The following SSX2IP variants were observed in gnomAD, a reference collection of about 807,000 sequenced individuals.
The protein encoded by SSX2IP is afadin- and alpha-actinin-binding protein.
In SSX2IP, 55 loss-of-function variants were observed where a neutral mutation model predicts 84.9. That is an observed-to-expected ratio of 0.65 (90% confidence interval 0.52 to 0.81). The LOEUF (loss-of-function observed/expected upper bound fraction) is 0.81. Ranked by LOEUF, SSX2IP falls within the 30% of genes least tolerant of loss-of-function variation. The pLI, the probability that SSX2IP is intolerant of heterozygous loss-of-function variation, is 0.00. For missense variants in SSX2IP, 664 were observed against 705.2 expected, an observed-to-expected ratio of 0.94 and a Z score of 0.66; for synonymous variants, 239 against 234.7, an observed-to-expected ratio of 1.02 and a Z score of -0.17.
Position 84,647,477 on chromosome 1 carries a change from A to C in SSX2IP, c.1801T>G (p.Leu601Val). The C allele has an allele frequency of 6.2e-7, 1 of 1,612,024 alleles. No individual in the cohort carries two copies. Residue 601 changes from leucine to valine, a missense_variant, in exon 14 of 14, where the codon TTG becomes GTG. By Grantham distance (32) the Leu-to-Val change is conservative. Coordinates refer to ENST00000342203, the MANE Select transcript of SSX2IP (RefSeq NM_001166293.2). The part of the protein sequence containing the change: ...SQEGCYSGCS[L>V]SYTNSHVEKD... ...TCTACATGAGAATTTGTGTAGCTCA[A>C]GGAGCATCCACTATAGCAACCTTCC...
intron 1 of SSX2IP, among the ~76,000 whole-genome samples, chr1:84,685,598 G>A (rs1655673724): frequency 6.6e-6 from 1 of 152,192 alleles, no homozygotes; most frequent in Non-Finnish European, 1.5e-5. Flanking sequence ...ATAAAATCCA[G>A]CTATTTAACC....
chr1:84,655,686 C>T (rs1650976244), intron 11 of SSX2IP, 146 bp downstream of exon 11: 1 of 1,429,074 alleles, frequency 7.0e-7, no homozygotes, highest in African/African-American at 1.4e-5. Context: ...GCTCAGCCTC[C>T]CTCTCATTTC....
At chr1:84,656,053 TCC>T in intron 10 of SSX2IP, 48 bp from the exon 11 acceptor site, 1 of 1,509,564 alleles carries the variant, frequency 6.6e-7, no homozygotes, top group South Asian at 1.2e-5. Flanking sequence ...CTTGCGACAC[TCC>T]AACGAGTTGA....
chr1:84,647,352 C>T lies in SSX2IP; in HGVS notation c.*81G>A. 3.1e-6 allele frequency: 4 copies of T among 1,272,970 alleles called. No homozygotes were observed. The highest frequency in any genetic ancestry group is 4.2e-6 in the Non-Finnish European group (4 of 941,570). 78.9% of individuals were successfully genotyped at this position (1,272,970 alleles called of 1,614,324 possible). A position where few individuals can be genotyped will look rare whatever the true frequency, so the allele number is the denominator to read the frequency against. ...GACCATCTTAAGTTATTAGAGATAA[C>T]TGACTTTATGACACACCCTGTTTCA... On this transcript the variant is annotated 3_prime_UTR_variant, in exon 14 of 14. Transcript: ENST00000342203.
At chr1:84,668,734 G>T (rs895477794) in intron 4 of SSX2IP, among the ~76,000 whole-genome samples, 1 of 152,020 alleles carries the variant, frequency 6.6e-6, no homozygotes, top group Admixed American at 6.6e-5. Flanking sequence ...AGAGCTCAAA[G>T]ATTCAAGATT....
chr1:84,652,069 T>C, intron 11 of SSX2IP, 72 bp from the exon 12 acceptor site: 2 of 1,106,454 alleles, frequency 1.8e-6, no homozygotes, highest in South Asian at 1.3e-5. Flanking sequence ...ACATGATTGC[T>C]CTAGCTATCT....
rs1234060869 is a variant in SSX2IP at position 84,675,037 on chromosome 1, T to C, written c.-89-3729A>G. On this transcript the variant is annotated intron_variant, in intron 1 of 13. Coordinates refer to ENST00000342203, the MANE Select transcript of SSX2IP (RefSeq NM_001166293.2). ...GGTTGCAAAGCATTTTTTATGAAGA[T>C]GTTAAGCTAATTCAATGTTAATTTC... Among the ~76,000 whole-genome samples, 9 of 152,192 alleles carry C rather than the reference T, an allele frequency of 5.9e-5. No individual in the cohort carries two copies. In the South Asian group the frequency reaches 1.5e-3, roughly 25 times the overall value.
chr1:84,671,012 T>C (rs937332119), intron 2 of SSX2IP, among the ~76,000 whole-genome samples, 165 bp downstream of exon 2: 3 of 152,200 alleles, frequency 2.0e-5, no homozygotes, highest in Non-Finnish European at 4.4e-5. Context: ...TCCAAAAAGA[T>C]ACAAATACAG....
chr1:84,675,920 C>G (rs1009203136), intron 1 of SSX2IP, among the ~76,000 whole-genome samples: 3 of 152,134 alleles, frequency 2.0e-5, no homozygotes, highest in African/African-American at 7.2e-5. Flanking sequence ...CAGACTGAAC[C>G]AATTAATGTA....
chr1:84,678,246 T>C (rs955156849), intron 1 of SSX2IP, among the ~76,000 whole-genome samples: 1 of 152,230 alleles, frequency 6.6e-6, no homozygotes, highest in Non-Finnish European at 1.5e-5. Flanking sequence ...AATGTCTGCA[T>C]CTTTGCAGCC....
intron 1 of SSX2IP, among the ~76,000 whole-genome samples, chr1:84,687,538 T>A (rs1655968029): frequency 1.3e-5 from 2 of 152,208 alleles, no homozygotes; most frequent in African/African-American, 4.8e-5. Context: ...GTCTTCAAAG[T>A]AGAAGATACT....
intron 9 of SSX2IP, among the ~76,000 whole-genome samples, chr1:84,657,109 T>C (rs933283261): frequency 1.3e-5 from 2 of 152,192 alleles, no homozygotes; most frequent in African/African-American, 4.8e-5. Flanking sequence ...TTTGACAATT[T>C]AAATTTTTCT....
intron 1 of SSX2IP, among the ~76,000 whole-genome samples, chr1:84,674,570 T>C (rs1158650849): frequency 6.6e-6 from 1 of 152,210 alleles, no homozygotes; most frequent in Non-Finnish European, 1.5e-5. Flanking sequence ...CTTAAGTGTC[T>C]TTTCTCCTTA....
At position 84,647,525 on chromosome 1, in the gene SSX2IP, C is replaced by A; in HGVS notation, c.1753G>T (p.Val585Leu). The change falls in exon 14 of 14, where the codon GTG (valine) becomes TTG (leucine). Residue 585 changes from valine (V) to leucine (L), a missense_variant. Val to Leu is a conservative substitution (Grantham distance 32, BLOSUM62 1). Coordinates refer to ENST00000342203, the MANE Select transcript of SSX2IP (RefSeq NM_001166293.2). ...TCCTGTGATCCAGGTCTTGATGCCA[C>A]ACTCCATTTTTGATTTGTACATTCT... Reference protein sequence around the residue: ...GGECTNQKWSVASRPGSQEGC... With the variant: ...GGECTNQKWSLASRPGSQEGC... 6.2e-7 allele frequency: 1 copy of A among 1,613,382 alleles called. No homozygotes were observed. The highest frequency in any genetic ancestry group is 2.2e-5 in the East Asian group (1 of 44,822).
In SSX2IP at chr1:84,655,929, C is replaced by T. The variant is rs765131963; in HGVS notation, c.1292G>A (p.Arg431His). 1.5e-5 allele frequency: 24 copies of T among 1,613,700 alleles called. No homozygotes were observed. The highest frequency in any genetic ancestry group is 2.7e-5 in the African/African-American group (2 of 74,912). ...AAAAAGGGACCATTCTTCTTTGAGA[C>T]GTTCCTTTTCTTCCAACAAATAACA... Reference protein sequence around the residue: ...RDCYLLEEKERLKEEWSLFKE... With the variant: ...RDCYLLEEKEHLKEEWSLFKE... The change falls in exon 11 of 14, where the codon CGT (arginine) becomes CAT (histidine). Residue 431 changes from arginine to histidine, a missense_variant. Coordinates refer to ENST00000342203, the MANE Select transcript of SSX2IP (RefSeq NM_001166293.2).
At chr1:84,670,837 A>T in intron 2 of SSX2IP, 22 bp from the exon 3 acceptor site, 1 of 1,564,638 alleles carries the variant, frequency 6.4e-7, no homozygotes, top group South Asian at 1.2e-5. Flanking sequence ...AAAGGCATCT[A>T]TATAAATAAT....
At chr1:84,665,449 C>A (rs1223103177) in intron 5 of SSX2IP, among the ~76,000 whole-genome samples, 3 of 152,122 alleles carry the variant, frequency 2.0e-5, no homozygotes, top group Admixed American at 6.6e-5. Context: ...ATATAAAACA[C>A]TGAAACTAAG....
At chr1:84,665,353 T>C (rs1219203792) in intron 5 of SSX2IP, among the ~76,000 whole-genome samples, 1 of 152,096 alleles carries the variant, frequency 6.6e-6, no homozygotes, top group African/African-American at 2.4e-5. Context: ...AATAAACAAA[T>C]ATGGTAAAAC....
chr1:84,670,552 C>A, intron 3 of SSX2IP, 94 bp downstream of exon 3: 1 of 911,898 alleles, frequency 1.1e-6, no homozygotes, highest in Non-Finnish European at 1.6e-6. Context: ...ACATAAACAA[C>A]AAACTTGTGT....
Sources: gnomAD v4.1 joint callset for allele counts (sites outside exome capture counted in the v4.1 genomes callset) on GRCh38, gnomAD v4.1.1 for gene constraint, MANE v1.5 for transcripts, NCBI Gene and HGNC (gene_info 2026-07-23, HGNC 2026-07-21) for gene names.